Variants in C7 observed in about 807,000 individuals in gnomAD.
The protein encoded by C7 is complement C7.
In C7, 83 loss-of-function variants were observed where a neutral mutation model predicts 104.8. That is an observed-to-expected ratio of 0.79 (90% confidence interval 0.66 to 0.95). The LOEUF (loss-of-function observed/expected upper bound fraction) is 0.95. Ranked by LOEUF, C7 falls within the 40% of genes least tolerant of loss-of-function variation. The pLI, the probability that C7 is intolerant of heterozygous loss-of-function variation, is 0.00. For missense variants in C7, 1,070 were observed against 1,011.2 expected (o/e 1.06, Z -0.79); for synonymous variants, 415 against 360.6 (o/e 1.15, Z -1.71).
At chr5:40,975,686 A>G (rs1317402866) in intron 15 of C7, among the ~76,000 whole-genome samples, 1 of 152,082 alleles carries the variant, frequency 6.6e-6, no homozygotes, top group African/African-American at 2.4e-5. Flanking sequence ...TTAATAATGA[A>G]TCTTGTTATT....
intron 5 of C7, 134 bp downstream of exon 5, chr5:40,936,619 AC>A: frequency 1.3e-6 from 1 of 749,360 alleles, no homozygotes; most frequent in Non-Finnish European, 2.1e-6. Context: ...GCTCTTTGCC[AC>A]ATCCTGAGAC....
chr5:40,957,308 T>C (rs1740307759), intron 10 of C7, among the ~76,000 whole-genome samples: 1 of 152,188 alleles, frequency 6.6e-6, no homozygotes, highest in South Asian at 2.1e-4. Context: ...AGAGTAATAA[T>C]GTTTACCTGT....
At chr5:40,939,408 G>A (rs1739887142) in intron 6 of C7, among the ~76,000 whole-genome samples, 1 of 152,154 alleles carries the variant, frequency 6.6e-6, no homozygotes, top group Admixed American at 6.5e-5. Flanking sequence ...TGTAGAAACT[G>A]AGGCTTAAGA....
At position 40,942,756 on chromosome 5, in the gene C7, TTTTC is replaced by T. The variant is rs1356697235; in HGVS notation, c.568-2430_568-2427del. On this transcript the variant is annotated intron_variant, in intron 6 of 17. Transcript: ENST00000313164. ...GGCACCAATCCGTACAGTTGTGCGA[TTTTC>T]TTTCTTTCTTTTTTTTTTTTTTTGA... is the stretch of plus-strand genomic sequence containing the variant. Among the ~76,000 whole-genome samples, 455 of 151,646 alleles carry T rather than the reference TTTTC, an allele frequency of 3.0e-3. 4 individuals are homozygous for T. The highest frequency in any genetic ancestry group is 0.011 in the African/African-American group (437 of 41,374).
Position 40,964,754 on chromosome 5 carries a change from T to A in C7, c.1763T>A (p.Met588Lys), listed in dbSNP as rs781329115. ...KDGFVQDEGTMFPVGKNVVYT... is the reference protein window; with the variant it reads ...KDGFVQDEGTKFPVGKNVVYT... ...ACTTTTGTTTAGGATGAAGGTACAA[T>A]GTTTCCTGTGGGGAAAAATGTAGTG... The change falls in exon 14 of 18, where the codon ATG becomes AAG. Residue 588 changes from methionine (M) to lysine (K), a missense_variant. Met to Lys is a moderately conservative substitution (Grantham distance 95, BLOSUM62 -1). Transcript: ENST00000313164. The A allele has an allele frequency of 6.2e-7, 1 of 1,613,274 alleles. No individual in the cohort carries two copies. The highest frequency in any genetic ancestry group is 8.5e-7 in the Non-Finnish European group (1 of 1,179,336).
chr5:40,959,178 A>T (rs1367985779), intron 11 of C7, among the ~76,000 whole-genome samples: 2 of 152,216 alleles, frequency 1.3e-5, no homozygotes, highest in Non-Finnish European at 2.9e-5. Context: ...TAAATGATAC[A>T]ACGTACGTAA....
chr5:40,980,568 C>G (rs1343702227), intron 17 of C7, among the ~76,000 whole-genome samples: 1 of 152,212 alleles, frequency 6.6e-6, no homozygotes, highest in Non-Finnish European at 1.5e-5. Flanking sequence ...TGAACTCCCC[C>G]AAGAGCACAG....
At chr5:40,918,847 T>C (rs1739380135) in intron 1 of C7, among the ~76,000 whole-genome samples, 1 of 152,002 alleles carries the variant, frequency 6.6e-6, no homozygotes, top group Non-Finnish European at 1.5e-5. Context: ...ACAATTATAG[T>C]AGGGTATTTC....
chr5:40,930,162 G>A (rs1243315421), intron 2 of C7, among the ~76,000 whole-genome samples: 1 of 149,828 alleles, frequency 6.7e-6, no homozygotes, highest in Non-Finnish European at 1.5e-5. Context: ...TTACACATCT[G>A]TGTCTCTGTC....
chr5:40,975,422 G>A (rs1045398756), intron 15 of C7, among the ~76,000 whole-genome samples: 3 of 147,550 alleles, frequency 2.0e-5, no homozygotes, highest in African/African-American at 7.5e-5. Flanking sequence ...GGAGTGCAAC[G>A]GCGCAATCTT....
chr5:40,945,857 C>A (rs1361493659), intron 7 of C7, among the ~76,000 whole-genome samples: 1 of 135,048 alleles, frequency 7.4e-6, no homozygotes, highest in Non-Finnish European at 1.6e-5. Context: ...GAGTGAGACC[C>A]TGTCTCAAAA....
chr5:40,978,876 T>A (rs1273454536), intron 16 of C7, among the ~76,000 whole-genome samples: 1 of 71,866 alleles, frequency 1.4e-5, no homozygotes, highest in African/African-American at 7.1e-5. Context: ...TATGGAAATT[T>A]TTTTTTTTTT....
chr5:40,922,558 G>C (rs78602479), intron 1 of C7, among the ~76,000 whole-genome samples: 11,539 of 150,668 alleles, frequency 0.077, 574 homozygotes, highest in Non-Finnish European at 0.11. Flanking sequence ...AAATTTTGCT[G>C]GGTGTGGTGG....
chr5:40,940,823 A>C (rs1296312436), intron 6 of C7, among the ~76,000 whole-genome samples: 5 of 152,194 alleles, frequency 3.3e-5, no homozygotes, highest in African/African-American at 4.8e-5. Context: ...GAGGCAAAAA[A>C]GCTAAATAGC....
At chr5:40,956,336 G>A (rs1192360347) in intron 10 of C7, among the ~76,000 whole-genome samples, 3 of 152,294 alleles carry the variant, frequency 2.0e-5, no homozygotes, top group Non-Finnish European at 1.5e-5. Flanking sequence ...TCAGAAACCC[G>A]ACAGACATTT....
At chr5:40,944,987 A>T (rs1740014501) in intron 6 of C7, among the ~76,000 whole-genome samples, 1 of 152,182 alleles carries the variant, frequency 6.6e-6, no homozygotes, top group Non-Finnish European at 1.5e-5. Flanking sequence ...TGGGATTGCC[A>T]TTGTTGGTAC....
intron 14 of C7, among the ~76,000 whole-genome samples, chr5:40,965,103 T>A (rs1740515899): frequency 6.6e-6 from 1 of 152,184 alleles, no homozygotes; most frequent in Non-Finnish European, 1.5e-5. Flanking sequence ...AACTTTCTGG[T>A]GCAAATTAAA....
At chr5:40,948,959 G>C (rs941903668) in intron 8 of C7, among the ~76,000 whole-genome samples, 1 of 151,640 alleles carries the variant, frequency 6.6e-6, no homozygotes. Context: ...AATTTAACTA[G>C]AACTTGATCT....
At chr5:40,932,454 T>C (rs1055832275) in intron 3 of C7, among the ~76,000 whole-genome samples, 11 of 152,302 alleles carry the variant, frequency 7.2e-5, no homozygotes, top group African/African-American at 2.6e-4. Context: ...ATTCTAGAAA[T>C]AGTCCAGTTT....
Sources: gnomAD v4.1 joint callset for allele counts (sites outside exome capture counted in the v4.1 genomes callset) on GRCh38, gnomAD v4.1.1 for gene constraint, MANE v1.5 for transcripts, NCBI Gene and HGNC (gene_info 2026-07-23, HGNC 2026-07-21) for gene names.